Variants in SYNE2 observed in about 807,000 individuals in gnomAD.
SYNE2 encodes the protein nesprin-2.
A neutral mutation model predicts 856.3 loss-of-function variants in SYNE2; 431 were observed. That is an observed-to-expected ratio of 0.50 (90% CI 0.47 to 0.55). SYNE2 has a LOEUF of 0.55. Among genes scored for constraint, SYNE2 ranks in the 20% least tolerant of loss-of-function variants. The pLI, the probability that SYNE2 is intolerant of heterozygous loss-of-function variation, is 0.00. For missense variants in SYNE2, 8,129 were observed against 8,023.2 expected, an observed-to-expected ratio of 1.01 and a Z score of -0.50; for synonymous variants, 2,923 against 2,872.3, an observed-to-expected ratio of 1.02 and a Z score of -0.56.
At chr14:64,071,042 A>G in intron 52 of SYNE2, 132 bp downstream of exon 52, 1 of 879,290 alleles carries the variant, frequency 1.1e-6, no homozygotes, top group Non-Finnish European at 1.8e-6. Flanking sequence ...TAGGTATAAA[A>G]AGGGATGGAA....
intron 20 of SYNE2, 73 bp downstream of exon 20, chr14:63,990,642 G>T: frequency 7.0e-6 from 9 of 1,287,596 alleles, no homozygotes; most frequent in South Asian, 2.4e-5. Context: ...GGCAGTGAAG[G>T]GGGGTGATAG....
intron 80 of SYNE2, 77 bp from the exon 81 acceptor site, chr14:64,141,264 C>T (rs1403281939): frequency 2.5e-6 from 3 of 1,197,380 alleles, no homozygotes; most frequent in Non-Finnish European, 2.4e-6. Context: ...TATTTGTTGA[C>T]TCTAGCCAGT....
intron 74 of SYNE2, among the ~76,000 whole-genome samples, chr14:64,128,789 C>T (rs1434631438): frequency 2.0e-5 from 3 of 152,154 alleles, no homozygotes; most frequent in Admixed American, 6.5e-5. Context: ...ATGTGTATGT[C>T]CAGTGTTGGT....
chr14:64,011,424 T>C (rs1013103552), intron 32 of SYNE2, among the ~76,000 whole-genome samples: 9 of 152,166 alleles, frequency 5.9e-5, no homozygotes, highest in African/African-American at 1.9e-4. Context: ...TAAAGAGCTC[T>C]GGTTTCCTAG....
At chr14:63,997,459 C>G in intron 25 of SYNE2, 68 bp downstream of exon 25, 2 of 1,230,892 alleles carry the variant, frequency 1.6e-6, no homozygotes, top group South Asian at 2.6e-5. Context: ...CAATAATTCA[C>G]TTCTCATTAA....
chr14:63,833,629 G>A (rs1457845081), intron 1 of SYNE2, among the ~76,000 whole-genome samples: 2 of 152,158 alleles, frequency 1.3e-5, no homozygotes, highest in East Asian at 3.8e-4. Flanking sequence ...GAAGTAGCAT[G>A]TGTCTAGATT....
chr14:63,984,953 C>T (rs1302544382), intron 18 of SYNE2, among the ~76,000 whole-genome samples: 1 of 151,872 alleles, frequency 6.6e-6, no homozygotes, highest in African/African-American at 2.4e-5. Flanking sequence ...AGCTCAAGTT[C>T]GAGACCAACC....
At chr14:63,840,750 T>C (rs372980161) in intron 1 of SYNE2, among the ~76,000 whole-genome samples, 19 of 152,250 alleles carry the variant, frequency 1.2e-4, no homozygotes, top group African/African-American at 4.6e-4. Context: ...CAGTGGCTCA[T>C]GCCTGTAATC....
chr14:64,022,097 A>G, intron 37 of SYNE2, 69 bp downstream of exon 37: 1 of 1,441,890 alleles, frequency 6.9e-7, no homozygotes, highest in East Asian at 2.3e-5. Flanking sequence ...TGTGAACACA[A>G]AAGCTAATCT....
At chr14:63,877,289 C>G (rs1431861347) in intron 1 of SYNE2, among the ~76,000 whole-genome samples, 1 of 152,082 alleles carries the variant, frequency 6.6e-6, no homozygotes, top group African/African-American at 2.4e-5. Context: ...GGCCTATAAC[C>G]TAGAACTTTG....
intron 2 of SYNE2, 83 bp downstream of exon 2, chr14:63,909,310 G>T (rs967802161): frequency 4.4e-6 from 4 of 911,834 alleles, no homozygotes; most frequent in Non-Finnish European, 7.2e-6. Context: ...ACTGATTTTC[G>T]TCTCTCTTAT....
At position 63,958,874 on chromosome 14, in the gene SYNE2, G is replaced by A. The variant is rs139230788; in HGVS notation, c.788-2651G>A. On this transcript the variant is annotated intron_variant, in intron 8 of 115. Transcript: ENST00000555002. ...CAATACTACTTCGTTTATTTTAATG[G>A]TCAATTTTTTAAAAAGTCCTCTTTA... Among the ~76,000 whole-genome samples the A allele has an allele frequency of 7.2e-5, 11 of 152,218 alleles. No homozygotes were observed. The East Asian group carries it at 1.9e-3, about 27-fold the overall frequency.
At position 64,143,974 on chromosome 14, in the gene SYNE2, G is replaced by A. The variant is rs373543010; in HGVS notation, c.15483+26G>A. 135 of 1,613,768 alleles carry A rather than the reference G, an allele frequency of 8.4e-5. No individual in the cohort carries two copies. The African/African-American group carries it at 1.4e-3, about 17-fold the overall frequency. On this transcript the variant is annotated intron_variant, in intron 83 of 115. Transcript: ENST00000555002. ...GTGTGTTCCTGCGTCACAACTGGAT[G>A]TGTGGTTTGACCTTTATGAAACACA...
chr14:63,919,855 C>T (rs2095575974), intron 2 of SYNE2, among the ~76,000 whole-genome samples: 2 of 151,980 alleles, frequency 1.3e-5, no homozygotes, highest in South Asian at 2.1e-4. Flanking sequence ...GAAATGGAAG[C>T]CTGACTCTGC....
intron 1 of SYNE2, among the ~76,000 whole-genome samples, chr14:63,869,967 T>C (rs1896464335): frequency 6.6e-6 from 1 of 152,198 alleles, no homozygotes; most frequent in Admixed American, 6.5e-5. Context: ...TCTCCAAATG[T>C]CTTCATCACT....
chr14:63,977,723 G>C (rs1215961785), intron 12 of SYNE2, among the ~76,000 whole-genome samples, 182 bp from the exon 13 acceptor site: 1 of 152,030 alleles, frequency 6.6e-6, no homozygotes, highest in East Asian at 1.9e-4. Flanking sequence ...TCATGCCACT[G>C]CACTCCAGCC....
At chr14:63,765,356 T>C (rs940345291) in intron 1 of SYNE2, among the ~76,000 whole-genome samples, 1 of 151,980 alleles carries the variant, frequency 6.6e-6, no homozygotes, top group African/African-American at 2.4e-5. Flanking sequence ...AGACTTGTTT[T>C]TTGTTTTTTG....
chr14:64,088,154 G>T (rs1286567769), intron 58 of SYNE2, among the ~76,000 whole-genome samples: 4 of 152,210 alleles, frequency 2.6e-5, no homozygotes, highest in African/African-American at 7.2e-5. Context: ...CTGCACTCCA[G>T]CCTGGGTGAC....
chr14:64,212,012 G>T lies in SYNE2; in HGVS notation c.18775G>T (p.Val6259Leu), dbSNP rs772933807. The T allele has an allele frequency of 7.4e-6, 12 of 1,614,092 alleles. No homozygotes were observed. In the Admixed American group the frequency reaches 1.0e-4, roughly 13 times the overall value. The change falls in exon 104 of 116, where the codon GTG becomes TTG. Residue 6259 changes from valine to leucine, a missense_variant. Physicochemically the swap from Val to Leu is conservative, Grantham distance 32. Around this residue, in one of 3 missense-constraint regions of SYNE2, gnomAD observed 5,410 missense variants for 5,284.8 expected, o/e 1.02. Coordinates refer to ENST00000555002, the MANE Select transcript of SYNE2 (RefSeq NM_182914.3). ...EFEGTRESIL[V>L]WLTEMDLQLT... ...TGAGGGCACCAGGGAGAGCATTCTG[G>T]TGTGGCTCACAGAGATGGACCTGCA... is the stretch of plus-strand genomic sequence containing the variant.
Sources: gnomAD v4.1 joint callset for allele counts (sites outside exome capture counted in the v4.1 genomes callset) on GRCh38, gnomAD v4.1.1 for gene constraint, gnomAD v4.1.1 regional missense constraint, MANE v1.5 for transcripts, NCBI Gene and HGNC (gene_info 2026-07-23, HGNC 2026-07-21) for gene names.